Variants in KMT2E observed in about 807,000 individuals in gnomAD.
KMT2E encodes the protein lysine methyltransferase 2E (inactive), also known as histone reader KMT2E.
KMT2E carries 30 observed loss-of-function variants against 184.6 expected under a neutral mutation model. The ratio of observed to expected loss-of-function variants is 0.16; its 90% CI spans 0.12 to 0.22. The LOEUF (loss-of-function observed/expected upper bound fraction) is 0.22. KMT2E is among the 10% of genes least tolerant of loss of function. The pLI is 1.00. For synonymous variants in KMT2E, 815 were observed against 776.5 expected, an observed-to-expected ratio of 1.05 and a Z score of -0.82; for missense variants, 2,023 against 2,237.4, an observed-to-expected ratio of 0.90 and a Z score of 1.93.
chr7:105,030,698 A>T (rs1463086201), intron 1 of KMT2E, among the ~76,000 whole-genome samples: 1 of 152,184 alleles, frequency 6.6e-6, no homozygotes, highest in Admixed American at 6.5e-5. Context: ...CTACTACATG[A>T]GAATCTCTAG....
intron 12 of KMT2E, among the ~76,000 whole-genome samples, 153 bp downstream of exon 12, chr7:105,079,116 G>A (rs1797649928): frequency 6.6e-6 from 1 of 150,744 alleles, no homozygotes; most frequent in Non-Finnish European, 1.5e-5. Flanking sequence ...GAAAATTTAT[G>A]TGATAACTGG....
At position 105,113,081 on chromosome 7, in the gene KMT2E, C is replaced by G. The variant is rs1277071283; in HGVS notation, c.5325C>G (p.Pro1775=). ...ATCATACCACTTTGGGACCGGGACC[C>G]CAGCACCAGCCTTCTGGAACAGGGC... is the stretch of plus-strand genomic sequence containing the variant. ...ATHHTTLGPG[P]QHQPSGTGPH... is the part of the protein sequence containing the mutation. Residue 1775 remains proline (P), a synonymous_variant, in exon 27 of 27, where the codon CCC becomes CCG. Coordinates refer to ENST00000311117, the MANE Select transcript of KMT2E (RefSeq NM_182931.3). The G allele has an allele frequency of 3.1e-6, 5 of 1,614,154 alleles. No individual in the cohort carries two copies. Among genetic ancestry groups the G allele is most frequent in the Middle Eastern group, 3.3e-4 (2 of 6,062 alleles).
At chr7:105,097,430 G>A (rs1274435638) in intron 15 of KMT2E, among the ~76,000 whole-genome samples, 1 of 152,014 alleles carries the variant, frequency 6.6e-6, no homozygotes, top group African/African-American at 2.4e-5. Flanking sequence ...CCGTTGCCAG[G>A]CCTGGAGTGC....
At chr7:105,025,937 G>A (rs994217103) in intron 1 of KMT2E, among the ~76,000 whole-genome samples, 3 of 152,080 alleles carry the variant, frequency 2.0e-5, no homozygotes, top group Non-Finnish European at 2.9e-5. Context: ...AACTTATTTT[G>A]AAATATGTTG....
intron 5 of KMT2E, among the ~76,000 whole-genome samples, chr7:105,065,212 TATACTC>T (rs1321755336): frequency 1.3e-5 from 2 of 152,214 alleles, no homozygotes; most frequent in Non-Finnish European, 2.9e-5. Flanking sequence ...TCCTACTACT[TATACTC>T]ATCTCTTTGA....
intron 13 of KMT2E, chr7:105,089,466 A>T: frequency 2.8e-5 from 6 of 212,322 alleles, no homozygotes; most frequent in South Asian, 5.3e-5. Flanking sequence ...ATTACAGGCA[A>T]GAGCCACTGT....
Position 105,107,852 on chromosome 7 carries a change from G to A in KMT2E, c.3395G>A (p.Gly1132Asp). The change falls in exon 22 of 27, where the codon GGT becomes GAT. Residue 1132 changes from glycine (G) to aspartate (D), a missense_variant. Transcript: ENST00000311117. ...FCTSEDGLVS[G>D]FGRTVNDNLI... ...ACTTCCGAAGATGGGCTTGTATCTG[G>A]TTTCGGACGGACTGTTAATGACAAT... 1 of 1,614,054 alleles carries A rather than the reference G, an allele frequency of 6.2e-7. No individual in the cohort carries two copies. The highest frequency in any genetic ancestry group is 8.5e-7 in the Non-Finnish European group (1 of 1,180,010).
chr7:105,071,108 CA>C (rs2129567710), intron 6 of KMT2E, among the ~76,000 whole-genome samples: 1 of 152,226 alleles, frequency 6.6e-6, no homozygotes, highest in South Asian at 2.1e-4. Context: ...AGAGTCTTCA[CA>C]TTTCTTTTCT....
intron 12 of KMT2E, among the ~76,000 whole-genome samples, chr7:105,079,490 T>A (rs938545212): frequency 1.4e-5 from 2 of 145,342 alleles, no homozygotes; most frequent in African/African-American, 5.0e-5. Flanking sequence ...ATGCTCCTTA[T>A]AAGAGGAAAT....
chr7:105,078,122 T>C (rs1797606821), intron 11 of KMT2E, among the ~76,000 whole-genome samples: 1 of 152,382 alleles, frequency 6.6e-6, no homozygotes, highest in East Asian at 1.9e-4. Context: ...ATATGAAAGA[T>C]ACACAGCAAT....
chr7:105,044,484 T>G (rs889074645), intron 3 of KMT2E, among the ~76,000 whole-genome samples: 3 of 152,202 alleles, frequency 2.0e-5, no homozygotes, highest in African/African-American at 7.2e-5. Flanking sequence ...AGTAGTTATG[T>G]GGCATGTCCC....
chr7:105,054,849 TA>T (rs1268174609), intron 3 of KMT2E, among the ~76,000 whole-genome samples: 2 of 152,110 alleles, frequency 1.3e-5, no homozygotes, highest in Non-Finnish European at 2.9e-5. Flanking sequence ...CTTTGTTAAA[TA>T]AAAAAGTTAC....
intron 6 of KMT2E, among the ~76,000 whole-genome samples, chr7:105,071,515 G>A (rs934410498): frequency 6.9e-6 from 1 of 144,480 alleles, no homozygotes; most frequent in Non-Finnish European, 1.5e-5. Context: ...ACAGGCATGA[G>A]CCACCACACC....
intron 5 of KMT2E, among the ~76,000 whole-genome samples, chr7:105,065,594 G>A (rs1415663405): frequency 1.3e-5 from 2 of 152,074 alleles, no homozygotes; most frequent in Admixed American, 6.6e-5. Flanking sequence ...CTATGATAAA[G>A]TTTAATTTAT....
intron 14 of KMT2E, 135 bp downstream of exon 14, chr7:105,090,408 A>G (rs189921272): frequency 5.4e-5 from 55 of 1,017,192 alleles, no homozygotes; most frequent in Admixed American, 2.6e-4. Context: ...AAGTATTCAT[A>G]AGTGTAAAAT....
intron 6 of KMT2E, among the ~76,000 whole-genome samples, chr7:105,070,575 A>C (rs571272230): frequency 1.4e-5 from 2 of 144,706 alleles, no homozygotes; most frequent in African/African-American, 5.1e-5. Context: ...CAGAGGTTGC[A>C]GTGAGCTGAG....
intron 8 of KMT2E, among the ~76,000 whole-genome samples, chr7:105,075,539 CAA>C: frequency 6.6e-6 from 1 of 152,270 alleles, no homozygotes; most frequent in South Asian, 2.1e-4. Flanking sequence ...ATCACTTCAA[CAA>C]AATTATATGT....
chr7:105,064,037 G>A, intron 5 of KMT2E: 1 of 454,834 alleles, frequency 2.2e-6, no homozygotes, highest in South Asian at 1.6e-5. Flanking sequence ...GCACTCTGGA[G>A]TCTCCTTGAA....
intron 6 of KMT2E, among the ~76,000 whole-genome samples, chr7:105,071,612 T>A (rs866128476): frequency 4.7e-3 from 311 of 66,800 alleles, no homozygotes; most frequent in African/African-American, 0.015. Flanking sequence ...ATATATATTT[T>A]TTTTTTTTTT....
Sources: allele counts gnomAD v4.1 joint callset (sites outside exome capture counted in the v4.1 genomes callset), GRCh38; gene constraint gnomAD v4.1.1; transcripts MANE v1.5; gene names NCBI Gene and HGNC (gene_info 2026-07-23, HGNC 2026-07-21).